The following RBM33 variants were observed in gnomAD, a reference collection of about 807,000 sequenced individuals.
The protein encoded by RBM33 is RNA-binding protein 33.
Under a neutral mutation model 132.6 loss-of-function variants are expected in RBM33, and 28 were observed. The observed-to-expected ratio is 0.21, with a 90% CI of 0.16 to 0.29. The LOEUF is 0.29. Ranked by LOEUF, RBM33 falls within the 10% of genes least tolerant of loss-of-function variation. RBM33 has a pLI of 1.00. For synonymous variants in RBM33, 634 were observed against 593.0 expected, an observed-to-expected ratio of 1.07 and a Z score of -1.01; for missense variants, 1,291 against 1,518.5, an observed-to-expected ratio of 0.85 and a Z score of 2.49.
chr7:155,772,089 T>C (rs1585555375), intron 16 of RBM33, among the ~76,000 whole-genome samples: 2 of 152,382 alleles, frequency 1.3e-5, no homozygotes, highest in Middle Eastern at 6.8e-3. Context: ...AGGTCCATTA[T>C]TGTAGTTCTC....
intron 9 of RBM33, among the ~76,000 whole-genome samples, chr7:155,731,888 A>C (rs1800966198): frequency 6.6e-6 from 1 of 152,216 alleles, no homozygotes; most frequent in South Asian, 2.1e-4. Context: ...GCCCAGTAAG[A>C]AAAGGAGTAA....
At chr7:155,723,922 TA>T (rs1281743982) in intron 9 of RBM33, among the ~76,000 whole-genome samples, 2 of 152,216 alleles carry the variant, frequency 1.3e-5, no homozygotes, top group Non-Finnish European at 2.9e-5. Flanking sequence ...GTTTATTGGC[TA>T]AGTAAATCTG....
chr7:155,723,505 C>T (rs186682213), intron 9 of RBM33, among the ~76,000 whole-genome samples: 68 of 152,318 alleles, frequency 4.5e-4, no homozygotes, highest in South Asian at 4.1e-4. Context: ...TAGTGGGTTT[C>T]TGATTAATCG....
chr7:155,716,018 T>A (rs1800449845), intron 8 of RBM33, among the ~76,000 whole-genome samples: 1 of 151,404 alleles, frequency 6.6e-6, no homozygotes, highest in Non-Finnish European at 1.5e-5. Flanking sequence ...TTTTTAGTAT[T>A]ATAATTATAA....
intron 9 of RBM33, among the ~76,000 whole-genome samples, chr7:155,727,326 C>T (rs1800822198): frequency 6.6e-6 from 1 of 152,140 alleles, no homozygotes; most frequent in Non-Finnish European, 1.5e-5. Context: ...AAATGTCACC[C>T]TCCTTATAAG....
In RBM33 at chr7:155,713,815, GA is replaced by G. The variant is rs141434768; in HGVS notation, c.1201+2365del. On this transcript the variant is annotated intron_variant, in intron 8 of 17. Coordinates refer to ENST00000401878, the MANE Select transcript of RBM33 (RefSeq NM_053043.3). ...TTACAGAAAAGAGCTAGTTAAGAAGGAAAAACATCATTGATGCAGATGAGAG... is the reference window on the plus strand; with the variant it reads ...TTACAGAAAAGAGCTAGTTAAGAAGGAAAACATCATTGATGCAGATGAGAG... 6.2e-4 allele frequency among the ~76,000 whole-genome samples: 95 copies of G among 152,276 alleles called. 1 individual carries two copies. The highest frequency in any genetic ancestry group is 2.2e-3 in the African/African-American group (93 of 41,544).
chr7:155,756,302 T>C (rs534722833), intron 14 of RBM33, among the ~76,000 whole-genome samples: 72 of 152,346 alleles, frequency 4.7e-4, no homozygotes, highest in African/African-American at 1.5e-3. Context: ...TATAACCTTA[T>C]AGAAGACTTA....
chr7:155,655,352 G>A (rs770488351), intron 1 of RBM33, among the ~76,000 whole-genome samples: 2 of 151,196 alleles, frequency 1.3e-5, no homozygotes, highest in African/African-American at 2.4e-5. Flanking sequence ...TTTTTTGTTG[G>A]GCATTTGGTT....
At chr7:155,728,531 T>A (rs1800859570) in intron 9 of RBM33, among the ~76,000 whole-genome samples, 1 of 152,206 alleles carries the variant, frequency 6.6e-6, no homozygotes, top group South Asian at 2.1e-4. Flanking sequence ...TCTTTCTAAA[T>A]CTTAGATAGC....
intron 1 of RBM33, among the ~76,000 whole-genome samples, chr7:155,654,266 G>C (rs1448893137): frequency 6.6e-6 from 1 of 151,964 alleles, no homozygotes; most frequent in East Asian, 1.9e-4. Flanking sequence ...GACAGTTTCT[G>C]GTTCATGCAT....
chr7:155,691,768 T>G (rs73167126), intron 5 of RBM33, among the ~76,000 whole-genome samples: 9,829 of 152,172 alleles, frequency 0.065, 478 homozygotes, highest in African/African-American at 0.14. Flanking sequence ...TAAAAAATGG[T>G]GACCTGGCTG....
At chr7:155,715,270 G>T (rs1390525768) in intron 8 of RBM33, among the ~76,000 whole-genome samples, 1 of 152,218 alleles carries the variant, frequency 6.6e-6, no homozygotes, top group Non-Finnish European at 1.5e-5. Flanking sequence ...ACTTGGAACT[G>T]CTGTCAGTCT....
rs894133516 is a variant in RBM33 at position 155,750,623 on chromosome 7, G to A, written c.2979+5021G>A. Reference sequence around the variant, plus strand: ...AACCAACTCTCCTCCCAGGATCCTTGTAAGGATTAAACGTCATAATCATGT... The same window carrying A: ...AACCAACTCTCCTCCCAGGATCCTTATAAGGATTAAACGTCATAATCATGT... On this transcript the variant is annotated intron_variant, in intron 14 of 17. Coordinates refer to ENST00000401878, the MANE Select transcript of RBM33 (RefSeq NM_053043.3). Among the ~76,000 whole-genome samples, 4 of 152,060 alleles carry A rather than the reference G, an allele frequency of 2.6e-5. No individual in the cohort carries two copies. In the East Asian group the frequency reaches 5.8e-4, roughly 22 times the overall value.
chr7:155,666,197 G>A (rs960271841), intron 2 of RBM33, among the ~76,000 whole-genome samples: 1 of 152,198 alleles, frequency 6.6e-6, no homozygotes, highest in Non-Finnish European at 1.5e-5. Flanking sequence ...GAATGGTGTA[G>A]TTCCAGTCTG....
At chr7:155,754,182 G>A (rs998612880) in intron 14 of RBM33, among the ~76,000 whole-genome samples, 2 of 152,178 alleles carry the variant, frequency 1.3e-5, no homozygotes, top group Non-Finnish European at 2.9e-5. Context: ...GGGGTATGAT[G>A]TTAGGGAGTA....
chr7:155,773,395 G>T (rs182944485), intron 16 of RBM33, among the ~76,000 whole-genome samples: 205 of 151,944 alleles, frequency 1.3e-3, no homozygotes, highest in Middle Eastern at 6.8e-3. Flanking sequence ...GTGAAACCCG[G>T]TCTCTACTAA....
chr7:155,716,316 G>GTTTTTTTTTTTTTTTTTTTTGTT (rs59289310), intron 8 of RBM33, among the ~76,000 whole-genome samples: 1 of 102,384 alleles, frequency 9.8e-6, no homozygotes, highest in African/African-American at 3.9e-5. Flanking sequence ...CTTTTCTGCT[G>GTTTTTTTTTTTTTTTTTTTTGTT]TTTTTTTTTT....
chr7:155,686,047 A>G (rs948514947), intron 5 of RBM33, among the ~76,000 whole-genome samples: 1 of 152,060 alleles, frequency 6.6e-6, no homozygotes, highest in Non-Finnish European at 1.5e-5. Context: ...ACTAAATTTG[A>G]TTTTGTGTGT....
At chr7:155,703,610 A>G (rs1174425103) in intron 6 of RBM33, among the ~76,000 whole-genome samples, 2 of 152,202 alleles carry the variant, frequency 1.3e-5, no homozygotes. Context: ...TCCCAACACA[A>G]AGGAGGATTT....
Sources: allele counts gnomAD v4.1 joint callset (sites outside exome capture counted in the v4.1 genomes callset), GRCh38; gene constraint gnomAD v4.1.1; transcripts MANE v1.5; gene names NCBI Gene and HGNC (gene_info 2026-07-23, HGNC 2026-07-21).